Variants in ECHDC3 observed in about 807,000 individuals in gnomAD.
ECHDC3 encodes enoyl-CoA hydratase domain-containing protein 3, mitochondrial.
In ECHDC3, 20 loss-of-function variants were observed where a neutral mutation model predicts 17.9. The ratio of observed to expected loss-of-function variants is 1.12; its 90% confidence interval spans 0.79 to 1.63. The LOEUF is 1.63. ECHDC3 is among the 40% of genes most tolerant of loss of function. The pLI, the probability that ECHDC3 is intolerant of heterozygous loss-of-function variation, is 0.00. For missense variants in ECHDC3, 407 were observed against 357.7 expected, an observed-to-expected ratio of 1.14 and a Z score of -1.11; for synonymous variants, 177 against 149.7, an observed-to-expected ratio of 1.18 and a Z score of -1.33.
intron 1 of ECHDC3, among the ~76,000 whole-genome samples, chr10:11,743,756 C>T (rs1468365011): frequency 6.6e-6 from 1 of 152,234 alleles, no homozygotes; most frequent in African/African-American, 2.4e-5. Context: ...CAGAGCAGGG[C>T]CCAGGCCAGG....
intron 4 of ECHDC3, among the ~76,000 whole-genome samples, chr10:11,759,124 C>G (rs1449768123): frequency 1.3e-5 from 2 of 152,146 alleles, no homozygotes; most frequent in African/African-American, 4.8e-5. Flanking sequence ...GAGGCCAAGG[C>G]GGGTGGATCA....
chr10:11,748,760 C>T (rs7903945), intron 2 of ECHDC3, among the ~76,000 whole-genome samples: 140,378 of 152,152 alleles, frequency 0.92, 65,882 homozygotes, highest in East Asian at 1. Flanking sequence ...GGGGCAGGCA[C>T]CTGTAATCCC....
At chr10:11,757,584 C>G (rs1276316493) in intron 4 of ECHDC3, among the ~76,000 whole-genome samples, 1 of 31,778 alleles carries the variant, frequency 3.1e-5, no homozygotes, top group Non-Finnish European at 1.1e-4. Flanking sequence ...CAGAAGGCCT[C>G]TAAATCACTC....
intron 4 of ECHDC3, among the ~76,000 whole-genome samples, chr10:11,762,971 G>A (rs1832970843): frequency 6.6e-6 from 1 of 152,108 alleles, no homozygotes; most frequent in Admixed American, 6.5e-5. Context: ...CCCAGCCGTG[G>A]CAGGGCTCAG....
chr10:11,763,692 G>A lies in ECHDC3; in HGVS notation c.*148G>A, dbSNP rs1446853608. The stretch of plus-strand genomic sequence containing the variant: ...TCATAGCATTTGGCCTACATTAAAA[G>A]CCACAATTTCATGGGGAAAGGACAA... On this transcript the variant is annotated 3_prime_UTR_variant, in exon 5 of 5. Coordinates refer to ENST00000379215, the MANE Select transcript of ECHDC3 (RefSeq NM_024693.5). The surrounding 1 kb of genome is among the most constrained non-coding windows in gnomAD (Gnocchi z 4.9). 2.1e-6 allele frequency: 3 copies of A among 1,425,212 alleles called. No individual in the cohort carries two copies. The highest frequency in any genetic ancestry group is 1.5e-5 in the South Asian group (1 of 65,774). 88.3% of individuals were successfully genotyped at this position (1,425,212 alleles called of 1,614,324 possible).
intron 3 of ECHDC3, among the ~76,000 whole-genome samples, chr10:11,753,788 T>TATTTTC (rs1436591412): frequency 6.6e-6 from 1 of 152,040 alleles, no homozygotes; most frequent in African/African-American, 2.4e-5. Flanking sequence ...TTTTTATTTT[T>TATTTTC]ATTTGAGACA....
chr10:11,742,450 G>C lies in ECHDC3; in HGVS notation c.-127G>C. The C allele has an allele frequency of 2.0e-6, 2 of 990,976 alleles. No homozygotes were observed. Among genetic ancestry groups the C allele is most frequent in the Non-Finnish European group, 1.3e-6 (1 of 772,186 alleles). The allele number at this position is 990,976 out of a possible 1,614,324, so 61.4% of individuals were successfully genotyped here. On this transcript the variant is annotated 5_prime_UTR_variant, in exon 1 of 5. Coordinates refer to ENST00000379215, the MANE Select transcript of ECHDC3 (RefSeq NM_024693.5). ...GGGCCTGTCAGGCGGTTCCGTCCGG[G>C]TCTCGGCCACCGTCGAGTTCCGTCG...
chr10:11,754,064 T>A (rs548281253), intron 3 of ECHDC3, among the ~76,000 whole-genome samples: 1 of 152,290 alleles, frequency 6.6e-6, no homozygotes, highest in South Asian at 2.1e-4. Flanking sequence ...TTTCCTCATT[T>A]ATCCTAGGGA....
intron 4 of ECHDC3, among the ~76,000 whole-genome samples, chr10:11,756,203 G>A (rs1037321059): frequency 6.6e-6 from 1 of 152,174 alleles, no homozygotes; most frequent in African/African-American, 2.4e-5. Context: ...GTTGCAAAGT[G>A]GTTTTGTTAA....
chr10:11,742,953 T>A, intron 1 of ECHDC3: 1 of 463,900 alleles, frequency 2.2e-6, no homozygotes, highest in Non-Finnish European at 3.4e-6. Context: ...TCCAAAGCCC[T>A]CAGGGCAGCC....
intron 4 of ECHDC3, among the ~76,000 whole-genome samples, chr10:11,756,613 C>T (rs1229619394): frequency 2.0e-5 from 3 of 152,276 alleles, no homozygotes; most frequent in South Asian, 2.1e-4. Context: ...CAGATACCTG[C>T]GAACACACAC....
At position 11,763,782 on chromosome 10, in the gene ECHDC3, T is replaced by C. The variant is rs1237267987; in HGVS notation, c.*238T>C. 8 of 1,295,876 alleles carry C rather than the reference T, an allele frequency of 6.2e-6. No homozygotes were observed. The highest frequency in any genetic ancestry group is 6.9e-6 in the Non-Finnish European group (7 of 1,021,378). 80.3% of individuals were successfully genotyped at this position (1,295,876 alleles called of 1,614,324 possible). On this transcript the variant is annotated 3_prime_UTR_variant, in exon 5 of 5. Coordinates refer to ENST00000379215, the MANE Select transcript of ECHDC3 (RefSeq NM_024693.5). This position sits in a 1 kb window ranked among gnomAD's most constrained non-coding sequence, Gnocchi z 4.9. The stretch of plus-strand genomic sequence containing the variant: ...GGTGAACCCTGCAGCGGGCCAGCTA[T>C]GGTGGGAAGCCTGGCATTTGGGGTG...
At chr10:11,752,446 T>G (rs76267854) in intron 3 of ECHDC3, among the ~76,000 whole-genome samples, 3,222 of 151,868 alleles carry the variant, frequency 0.021, 126 homozygotes, top group African/African-American at 0.074. Context: ...ATGAAAGTAA[T>G]GAGTACTTGT....
chr10:11,761,906 T>G (rs1832957537), intron 4 of ECHDC3, among the ~76,000 whole-genome samples: 1 of 152,184 alleles, frequency 6.6e-6, no homozygotes, highest in Non-Finnish European at 1.5e-5. Flanking sequence ...CAGGACAGTC[T>G]TCCAGTGCTG....
intron 4 of ECHDC3, among the ~76,000 whole-genome samples, chr10:11,759,335 C>T (rs1338128958): frequency 7.5e-6 from 1 of 133,870 alleles, no homozygotes; most frequent in Non-Finnish European, 1.6e-5. Context: ...GCCTGGGCAA[C>T]AACAGCAAAA....
At chr10:11,744,635 G>A (rs531201637) in intron 1 of ECHDC3, among the ~76,000 whole-genome samples, 7 of 145,138 alleles carry the variant, frequency 4.8e-5, no homozygotes, top group Admixed American at 2.0e-4. Flanking sequence ...GCAAGGCATC[G>A]CATGTTTTGA....
At chr10:11,753,103 G>A (rs759748812) in intron 3 of ECHDC3, among the ~76,000 whole-genome samples, 16 of 152,074 alleles carry the variant, frequency 1.1e-4, no homozygotes, top group Non-Finnish European at 1.9e-4. Flanking sequence ...TTTTTAGGCC[G>A]GTCACAGTGG....
chr10:11,761,831 C>T (rs753888677), intron 4 of ECHDC3, among the ~76,000 whole-genome samples: 1 of 152,256 alleles, frequency 6.6e-6, no homozygotes, highest in Non-Finnish European at 1.5e-5. Context: ...TCCTGCCTGC[C>T]TGCCTGTCTT....
chr10:11,747,600 A>G (rs1211117740), intron 2 of ECHDC3, 130 bp downstream of exon 2: 1 of 1,137,082 alleles, frequency 8.8e-7, no homozygotes, highest in Non-Finnish European at 1.3e-6. Context: ...AACATTAATT[A>G]TGGAAAACAC....
Sources: allele counts gnomAD v4.1 joint callset (sites outside exome capture counted in the v4.1 genomes callset), GRCh38; gene constraint gnomAD v4.1.1; non-coding constraint Gnocchi (gnomAD v3.1); transcripts MANE v1.5; gene names NCBI Gene and HGNC (gene_info 2026-07-23, HGNC 2026-07-21).